NCKAP5: variants seen among roughly 807,000 people sequenced by gnomAD.
NCKAP5 encodes NCK associated protein 5.
NCKAP5 carries 92 observed loss-of-function variants against 167.0 expected under a neutral mutation model. The ratio of observed to expected loss-of-function variants is 0.55; its 90% CI spans 0.47 to 0.66. The LOEUF is 0.66. NCKAP5 is among the 30% of genes least tolerant of loss of function. The pLI, the probability that NCKAP5 is intolerant of heterozygous loss-of-function variation, is 0.00. For missense variants in NCKAP5, 2,378 were observed against 2,315.0 expected, an observed-to-expected ratio of 1.03 and a Z score of -0.56; for synonymous variants, 891 against 877.4, an observed-to-expected ratio of 1.02 and a Z score of -0.27.
chr2:132,962,528 T>C (rs1352554305), intron 8 of NCKAP5, among the ~76,000 whole-genome samples: 1 of 152,022 alleles, frequency 6.6e-6, no homozygotes, highest in African/African-American at 2.4e-5. Context: ...GACAATGTGG[T>C]AGATCTGAGG....
At position 133,171,001 on chromosome 2, in the gene NCKAP5, T is replaced by C. The variant is rs116606405; in HGVS notation, c.208-40890A>G. Among the ~76,000 whole-genome samples the C allele has an allele frequency of 6.2e-3, 940 of 152,230 alleles. 11 individuals are homozygous for C. Among genetic ancestry groups the C allele is most frequent in the African/African-American group, 0.021 (887 of 41,534 alleles). ...ACATAGCTCCTGATAGATTAATATATTACCATACTGGCGATACTGACAATT... is the reference window on the plus strand; with the variant it reads ...ACATAGCTCCTGATAGATTAATATACTACCATACTGGCGATACTGACAATT... On this transcript the variant is annotated intron_variant, in intron 5 of 19. Transcript: ENST00000409261.
intron 4 of NCKAP5, among the ~76,000 whole-genome samples, chr2:133,289,679 A>G (rs1325257536): frequency 1.3e-5 from 2 of 152,040 alleles, no homozygotes; most frequent in Non-Finnish European, 2.9e-5. Flanking sequence ...CAACAGAACA[A>G]GAGTCCGTCT....
the NCKAP5 span, among the ~76,000 whole-genome samples, chr2:133,666,304 T>A: frequency 6.6e-6 from 1 of 151,214 alleles, no homozygotes; most frequent in Non-Finnish European, 1.5e-5. Flanking sequence ...TTCAAGAGAT[T>A]CTCCTGCCTC....
rs141216476 is a variant in NCKAP5, at chr2:133,389,112, C to T, written c.70-86002G>A. Among the ~76,000 whole-genome samples, 866 of 152,244 alleles carry T rather than the reference C, an allele frequency of 5.7e-3. 28 individuals are homozygous for T. The highest frequency in any genetic ancestry group is 0.045 in the Admixed American group (688 of 15,288). ...CTCAGTTGGAAATGCAGAAATCACCCGTCTTCTGCGTCACTCATGCTGGGA... is the reference window on the plus strand; with the variant it reads ...CTCAGTTGGAAATGCAGAAATCACCTGTCTTCTGCGTCACTCATGCTGGGA... On this transcript the variant is annotated intron_variant, in intron 3 of 19. Transcript: ENST00000409261.
intron 6 of NCKAP5, among the ~76,000 whole-genome samples, chr2:133,017,562 C>A (rs2078379605): frequency 6.6e-6 from 1 of 151,686 alleles, no homozygotes; most frequent in African/African-American, 2.4e-5. Context: ...TGAAGGTGCC[C>A]GATTAGTAAT....
intron 17 of NCKAP5, among the ~76,000 whole-genome samples, chr2:132,729,716 C>A (rs1250994501): frequency 6.6e-6 from 1 of 152,150 alleles, no homozygotes; most frequent in Non-Finnish European, 1.5e-5. Context: ...AGTAGATTAA[C>A]CTGCATAGTG....
chr2:133,487,650 C>T (rs145414068), intron 3 of NCKAP5, among the ~76,000 whole-genome samples: 7 of 152,196 alleles, frequency 4.6e-5, no homozygotes, highest in African/African-American at 1.2e-4. Flanking sequence ...GTATCAGTCC[C>T]CTGGAGAAGG....
Position 133,045,827 on chromosome 2 carries a change from G to A in NCKAP5, c.342-51588C>T, listed in dbSNP as rs183721267. Among the ~76,000 whole-genome samples, 69 of 152,284 alleles carry A rather than the reference G, an allele frequency of 4.5e-4. 2 individuals carry two copies. In the Middle Eastern group the frequency reaches 0.041, roughly 90 times the overall value. ...CCTTCTTCTTGTGATGATGTGAGAT[G>A]ACAAAATGCATTTGCGATGAGATGA... On this transcript the variant is annotated intron_variant, in intron 6 of 19. Transcript: ENST00000409261.
chr2:132,788,429 A>T (rs1209356306), intron 13 of NCKAP5, among the ~76,000 whole-genome samples: 1 of 152,190 alleles, frequency 6.6e-6, no homozygotes, highest in Non-Finnish European at 1.5e-5. Flanking sequence ...AGGCCAGTAT[A>T]AAAGAACAAT....
chr2:132,895,081 C>T (rs1224608140), intron 8 of NCKAP5, among the ~76,000 whole-genome samples: 1 of 152,112 alleles, frequency 6.6e-6, no homozygotes, highest in Non-Finnish European at 1.5e-5. Flanking sequence ...TCTGTAATCC[C>T]AGCACTTTGG....
chr2:132,678,781 C>G (rs1416416955), intron 19 of NCKAP5, among the ~76,000 whole-genome samples: 1 of 152,162 alleles, frequency 6.6e-6, no homozygotes, highest in Non-Finnish European at 1.5e-5. Context: ...TGAGCAGAAA[C>G]AGCCTGACTA....
chr2:133,272,233 C>T (rs1339010674), intron 4 of NCKAP5, among the ~76,000 whole-genome samples: 4 of 144,560 alleles, frequency 2.8e-5, no homozygotes, highest in Non-Finnish European at 6.1e-5. Context: ...CAAAACAGAA[C>T]AAAAAAAAAT....
rs1441697879 is a variant in NCKAP5 at position 132,783,033 on chromosome 2, G to C, written c.3778C>G (p.Pro1260Ala). 1.9e-6 allele frequency: 3 copies of C among 1,613,734 alleles called. No homozygotes were observed. Among genetic ancestry groups the C allele is most frequent in the East Asian group, 4.5e-5 (2 of 44,880 alleles). The change falls in exon 14 of 20, where the codon CCA (proline) becomes GCA (alanine). Residue 1260 changes from proline (P) to alanine (A), a missense_variant. By Grantham distance (27) the Pro-to-Ala change is conservative. Transcript: ENST00000409261. ...ATACCCAGAGCTGGTTTTAGGTGTGGTTTGCTGGAGGAAAGGGATCTTCTC... is the reference window on the plus strand; with the variant it reads ...ATACCCAGAGCTGGTTTTAGGTGTGCTTTGCTGGAGGAAAGGGATCTTCTC... ...SMRRSLSSSK[P>A]HLKPALGMNG...
At chr2:132,715,352 C>T (rs1689266691) in intron 19 of NCKAP5, among the ~76,000 whole-genome samples, 1 of 152,130 alleles carries the variant, frequency 6.6e-6, no homozygotes, top group African/African-American at 2.4e-5. Flanking sequence ...TCTGGTGTAA[C>T]CATTCAGTTG....
chr2:133,250,306 G>A (rs1270871543), intron 4 of NCKAP5, among the ~76,000 whole-genome samples: 3 of 152,226 alleles, frequency 2.0e-5, no homozygotes, highest in Admixed American at 6.5e-5. Context: ...CAGGCAGAGC[G>A]GATGATCTGC....
intron 5 of NCKAP5, among the ~76,000 whole-genome samples, chr2:133,205,579 T>G (rs2085911830): frequency 6.6e-6 from 1 of 152,168 alleles, no homozygotes; most frequent in African/African-American, 2.4e-5. Context: ...TTATCTTCAT[T>G]TATAATCATG....
chr2:133,125,332 A>G (rs1424302400), intron 6 of NCKAP5, among the ~76,000 whole-genome samples: 1 of 151,850 alleles, frequency 6.6e-6, no homozygotes, highest in African/African-American at 2.4e-5. Flanking sequence ...ATACACAAAC[A>G]CTTCATTACC....
intron 5 of NCKAP5, among the ~76,000 whole-genome samples, chr2:133,210,922 G>T (rs980606315): frequency 2.0e-5 from 3 of 152,070 alleles, no homozygotes; most frequent in South Asian, 2.1e-4. Flanking sequence ...GCCCTCCAAT[G>T]GTTCCCATCT....
chr2:132,878,613 T>TACACAC (rs10544477), intron 9 of NCKAP5, among the ~76,000 whole-genome samples: 20 of 131,992 alleles, frequency 1.5e-4, no homozygotes, highest in African/African-American at 5.0e-4. Flanking sequence ...GGGGGGCAGA[T>TACACAC]ACACACACAC....
Sources: gnomAD v4.1 joint callset for allele counts (sites outside exome capture counted in the v4.1 genomes callset) on GRCh38, gnomAD v4.1.1 for gene constraint, MANE v1.5 for transcripts, NCBI Gene and HGNC (gene_info 2026-07-23, HGNC 2026-07-21) for gene names.